Variants in NEK6 observed in about 807,000 individuals in gnomAD.
NEK6 encodes the protein NIMA related kinase 6.
Under a neutral mutation model 43.5 loss-of-function variants are expected in NEK6, and 27 were observed. That is an observed-to-expected ratio of 0.62 (90% CI 0.46 to 0.86). NEK6 has a LOEUF of 0.86. Among genes scored for constraint, NEK6 ranks in the 40% least tolerant of loss-of-function variants. NEK6 has a pLI of 0.00. For synonymous variants in NEK6, 167 were observed against 164.1 expected (o/e 1.02, Z -0.14); for missense variants, 318 against 414.4 (o/e 0.77, Z 2.02).
In NEK6 at chr9:124,343,485, C is replaced by T. The variant is rs1000617465; in HGVS notation, c.717+3820C>T. Among the ~76,000 whole-genome samples the T allele has an allele frequency of 6.6e-5, 10 of 152,134 alleles. No individual in the cohort carries two copies. Among genetic ancestry groups the T allele is most frequent in the Non-Finnish European group, 1.2e-4 (8 of 68,000 alleles). Reference sequence around the variant, plus strand: ...GCAGGCTGCTGTGGCCACCCATAGCCGGCCCATCCAAGGGTAACGGGGCAG... The same window carrying T: ...GCAGGCTGCTGTGGCCACCCATAGCTGGCCCATCCAAGGGTAACGGGGCAG... On this transcript the variant is annotated intron_variant, in intron 8 of 9. Coordinates refer to ENST00000320246, the MANE Select transcript of NEK6 (RefSeq NM_014397.6). This position sits in a 1 kb window ranked among gnomAD's most constrained non-coding sequence, Gnocchi z 5.1.
At chr9:124,344,348 C>T (rs147377545) in intron 8 of NEK6, among the ~76,000 whole-genome samples, 6 of 152,380 alleles carry the variant, frequency 3.9e-5, no homozygotes, top group Non-Finnish European at 8.8e-5. Context: ...CATACCCTCT[C>T]TCACACTTGG....
At chr9:124,276,120 A>T (rs1831641065) in intron 1 of NEK6, among the ~76,000 whole-genome samples, 1 of 151,194 alleles carries the variant, frequency 6.6e-6, no homozygotes, top group African/African-American at 2.4e-5. Flanking sequence ...TCCTGGGGAG[A>T]GTGGGGAGAA....
intron 1 of NEK6, 100 bp from the exon 2 acceptor site, chr9:124,301,836 C>G: frequency 1.0e-6 from 1 of 956,304 alleles, no homozygotes; most frequent in Non-Finnish European, 1.6e-6. Context: ...AACGGCTTTG[C>G]ACCTCAGCTC....
Position 124,343,446 on chromosome 9 carries a change from G to A in NEK6, c.717+3781G>A, listed in dbSNP as rs1399918478. Among the ~76,000 whole-genome samples the A allele has an allele frequency of 6.6e-6, 1 of 152,094 alleles. No individual in the cohort carries two copies. Among genetic ancestry groups the A allele is most frequent in the Non-Finnish European group, 1.5e-5 (1 of 67,994 alleles). On this transcript the variant is annotated intron_variant, in intron 8 of 9. Coordinates refer to ENST00000320246, the MANE Select transcript of NEK6 (RefSeq NM_014397.6). The surrounding 1 kb of genome is among the most constrained non-coding windows in gnomAD (Gnocchi z 5.1). The stretch of plus-strand genomic sequence containing the variant: ...GCGCTGACCTAACCCTAGCAGCCCC[G>A]GCCTCACACAGCAGCAGGCTGCTGT...
At chr9:124,341,828 A>C (rs1252737599) in intron 8 of NEK6, among the ~76,000 whole-genome samples, 2 of 150,994 alleles carry the variant, frequency 1.3e-5, no homozygotes, top group Non-Finnish European at 3.0e-5. Flanking sequence ...TTAAGTCCAA[A>C]CTCTTCTGAG....
chr9:124,279,168 G>C (rs1238575038), intron 1 of NEK6, among the ~76,000 whole-genome samples: 3 of 152,088 alleles, frequency 2.0e-5, no homozygotes, highest in Non-Finnish European at 4.4e-5. Context: ...TTCCCACCAA[G>C]AAAGAGCAGG....
chr9:124,315,660 C>T (rs973180228), intron 4 of NEK6, among the ~76,000 whole-genome samples: 2 of 152,238 alleles, frequency 1.3e-5, no homozygotes, highest in African/African-American at 4.8e-5. Flanking sequence ...AAGGAACCCA[C>T]AGGTGAGCAT....
At position 124,301,917 on chromosome 9, in the gene NEK6, C is replaced by T. The variant is rs1425791364; in HGVS notation, c.-29-19C>T. 3.9e-6 allele frequency: 6 copies of T among 1,545,644 alleles called. No homozygotes were observed. The African/African-American group carries it at 8.2e-5, about 21-fold the overall frequency. ...GGGTCTCAAAGAGAAAGTGAACAGG[C>T]CGCTGTTTTCTGTTGCAGTTCGTGC... is the stretch of plus-strand genomic sequence containing the variant. On this transcript the variant is annotated intron_variant, in intron 1 of 9. Transcript: ENST00000320246.
At chr9:124,300,797 G>GCTC (rs55884162) in intron 1 of NEK6, among the ~76,000 whole-genome samples, 13 of 151,736 alleles carry the variant, frequency 8.6e-5, no homozygotes, top group African/African-American at 3.2e-4. Context: ...GCCACCGCAG[G>GCTC]GGAGGGGGCT....
chr9:124,265,304 A>C (rs1410005522), intron 1 of NEK6, among the ~76,000 whole-genome samples: 1 of 152,198 alleles, frequency 6.6e-6, no homozygotes, highest in African/African-American at 2.4e-5. Flanking sequence ...CAGGCGGATC[A>C]CGAGCTCAGG....
intron 7 of NEK6, among the ~76,000 whole-genome samples, chr9:124,329,278 G>A (rs750554780): frequency 2.9e-4 from 44 of 149,608 alleles, no homozygotes; most frequent in Non-Finnish European, 5.5e-4. Context: ...TTCAAGGGAA[G>A]CTGTCAAAGA....
intron 7 of NEK6, among the ~76,000 whole-genome samples, chr9:124,329,320 G>A (rs372907968): frequency 2.6e-5 from 4 of 152,228 alleles, no homozygotes; most frequent in Admixed American, 6.5e-5. Flanking sequence ...CCTGTCCCCC[G>A]TCAGTCAGCA....
chr9:124,257,932 C>A, upstream of NEK6: 1 of 973,358 alleles, frequency 1.0e-6, no homozygotes, highest in Non-Finnish European at 1.2e-6. Flanking sequence ...GGCGCGCGGG[C>A]GCGCGGGCCC....
At chr9:124,299,510 G>C (rs1046392450) in intron 1 of NEK6, among the ~76,000 whole-genome samples, 2 of 152,208 alleles carry the variant, frequency 1.3e-5, no homozygotes, top group African/African-American at 4.8e-5. Context: ...CTTCCCCTGT[G>C]TCACCTTGGG....
chr9:124,308,218 C>T (rs1833356238), intron 2 of NEK6, among the ~76,000 whole-genome samples: 1 of 152,216 alleles, frequency 6.6e-6, no homozygotes, highest in African/African-American at 2.4e-5. Flanking sequence ...CTCCAGGCCC[C>T]AGCATTGGAG....
intron 4 of NEK6, among the ~76,000 whole-genome samples, chr9:124,321,127 A>G (rs938782534): frequency 2.6e-5 from 4 of 152,326 alleles, no homozygotes; most frequent in Admixed American, 2.6e-4. Context: ...TCCTTTCCAC[A>G]AGTCCATGCT....
intron 1 of NEK6, among the ~76,000 whole-genome samples, chr9:124,258,724 G>T (rs1257746012): frequency 6.6e-6 from 1 of 152,226 alleles, no homozygotes; most frequent in African/African-American, 2.4e-5. Context: ...TCGGGGCTGG[G>T]CCTGATCCGG....
chr9:124,293,287 G>T (rs56078947), intron 1 of NEK6, among the ~76,000 whole-genome samples: 1 of 152,324 alleles, frequency 6.6e-6, no homozygotes, highest in African/African-American at 2.4e-5. Flanking sequence ...AGGGCTTGCA[G>T]ACCTCACAGC....
chr9:124,281,559 G>T (rs1419944784), intron 1 of NEK6, among the ~76,000 whole-genome samples: 1 of 138,452 alleles, frequency 7.2e-6, no homozygotes, highest in Non-Finnish European at 1.5e-5. Flanking sequence ...GGAGTGCAGT[G>T]GTGCGATCCC....
Sources: gnomAD v4.1 joint callset for allele counts (sites outside exome capture counted in the v4.1 genomes callset) on GRCh38, gnomAD v4.1.1 for gene constraint, Gnocchi (gnomAD v3.1) non-coding constraint, MANE v1.5 for transcripts, NCBI Gene and HGNC (gene_info 2026-07-23, HGNC 2026-07-21) for gene names.